EDEM1: variants seen among roughly 807,000 people sequenced by gnomAD.
EDEM1 encodes ER degradation-enhancing alpha-mannosidase-like protein 1.
In EDEM1, 67 loss-of-function variants were observed where a neutral mutation model predicts 74.4. The ratio of observed to expected loss-of-function variants is 0.90; its 90% confidence interval spans 0.74 to 1.10. EDEM1 has a LOEUF of 1.10. Ranked by LOEUF, EDEM1 falls within the 50% of genes least tolerant of loss-of-function variation. EDEM1 has a pLI of 0.00. For missense variants in EDEM1, 926 were observed against 851.6 expected, an observed-to-expected ratio of 1.09 and a Z score of -1.09; for synonymous variants, 382 against 335.9, an observed-to-expected ratio of 1.14 and a Z score of -1.50.
In EDEM1 at chr3:5,188,118, G is replaced by A. The variant is rs1483227434; in HGVS notation, c.313G>A (p.Gly105Ser). The change falls in exon 1 of 12, where the codon GGC (glycine) becomes AGC (serine). Residue 105 changes from glycine to serine, a missense_variant. By Grantham distance (56) the Gly-to-Ser change is moderately conservative. Transcript: ENST00000256497. ...CCCAGCCAACTGGGGCTACGTGCTG[G>A]GCGGCCGGGGCCGCGGCCCGGACGA... ...CGPANWGYVL[G>S]GRGRGPDEYE... 30 of 1,522,768 alleles carry A rather than the reference G, an allele frequency of 2.0e-5. No individual in the cohort carries two copies. The highest frequency in any genetic ancestry group is 2.6e-5 in the Non-Finnish European group (30 of 1,134,864). 94.3% of individuals were successfully genotyped at this position (1,522,768 alleles called of 1,614,324 possible).
intron 6 of EDEM1, among the ~76,000 whole-genome samples, chr3:5,206,210 CT>C (rs762318338): frequency 2.3e-3 from 316 of 139,924 alleles, no homozygotes; most frequent in Non-Finnish European, 2.1e-3. Flanking sequence ...CCAGATCTTT[CT>C]TTTTTTTTTT....
In EDEM1 at chr3:5,205,256, C is replaced by T. The variant is rs780073780; in HGVS notation, c.1217+15C>T. ...TTAAGAAGAGGGTATGTCTCCCTAACATCTCCTCTGTTGCCTTGTAAAGCA... is the reference window on the plus strand; with the variant it reads ...TTAAGAAGAGGGTATGTCTCCCTAATATCTCCTCTGTTGCCTTGTAAAGCA... On this transcript the variant is annotated intron_variant, in intron 6 of 11. Coordinates refer to ENST00000256497, the MANE Select transcript of EDEM1 (RefSeq NM_014674.3). The T allele has an allele frequency of 7.5e-6, 12 of 1,606,916 alleles. No homozygotes were observed. Among genetic ancestry groups the T allele is most frequent in the African/African-American group, 1.3e-5 (1 of 74,610 alleles).
intron 8 of EDEM1, among the ~76,000 whole-genome samples, chr3:5,209,508 T>C (rs765448564): frequency 5.3e-5 from 8 of 152,222 alleles, no homozygotes; most frequent in Non-Finnish European, 7.3e-5. Context: ...ACTTTTAATC[T>C]GGAGACTGCT....
chr3:5,192,633 A>G (rs550830162), intron 1 of EDEM1, among the ~76,000 whole-genome samples: 1 of 152,338 alleles, frequency 6.6e-6, no homozygotes, highest in Non-Finnish European at 1.5e-5. Context: ...GGAGATTGAC[A>G]AGAATATCTA....
In EDEM1 at chr3:5,205,071, TGTC is replaced by T; in HGVS notation, c.1050_1052del (p.Val351del). On this transcript the variant is annotated inframe_deletion, in exon 6 of 12. Transcript: ENST00000256497. ...GTGCCTTGTTTATTTTTGCAGGCAATGTCGTGAACATTCAGACGGGCCACTGGG... is the reference window on the plus strand; with the variant it reads ...GTGCCTTGTTTATTTTTGCAGGCAATGTGAACATTCAGACGGGCCACTGGG... The T allele has an allele frequency of 6.2e-7, 1 of 1,613,582 alleles. No individual in the cohort carries two copies. The highest frequency in any genetic ancestry group is 8.5e-7 in the Non-Finnish European group (1 of 1,179,778).
chr3:5,217,958 T>G lies in EDEM1; in HGVS notation c.*2040T>G, dbSNP rs770532448. On this transcript the variant is annotated 3_prime_UTR_variant, in exon 12 of 12. Transcript: ENST00000256497. ...TCTTGGCGCTCCCCTCCTCTCCCGCTCTGGCTTCTGTGGCGGCAGTGGTGG... is the reference window on the plus strand; with the variant it reads ...TCTTGGCGCTCCCCTCCTCTCCCGCGCTGGCTTCTGTGGCGGCAGTGGTGG... 5.3e-5 allele frequency: 8 copies of G among 152,238 alleles called. No homozygotes were observed. Among genetic ancestry groups the G allele is most frequent in the Non-Finnish European group, 8.8e-5 (6 of 68,056 alleles). The allele number at this position is 152,238 out of a possible 1,614,324, so 9.4% of individuals were successfully genotyped here. A position where few individuals can be genotyped will look rare whatever the true frequency, so the allele number is the denominator to read the frequency against.
rs550270881 is a variant in EDEM1, at chr3:5,198,425, TTGTC to T, written c.583-1164_583-1161del. 1.4e-3 allele frequency among the ~76,000 whole-genome samples: 208 copies of T among 152,274 alleles called. 1 individual carries two copies. The highest frequency in any genetic ancestry group is 4.9e-3 in the African/African-American group (203 of 41,558). ...GGTAGAGGAATAGTCACTTATGCCTTTGTCTGGCTTAGTGAATCTGCAGTTTTAC... is the reference window on the plus strand; with the variant it reads ...GGTAGAGGAATAGTCACTTATGCCTTTGGCTTAGTGAATCTGCAGTTTTAC... On this transcript the variant is annotated intron_variant, in intron 2 of 11. Coordinates refer to ENST00000256497, the MANE Select transcript of EDEM1 (RefSeq NM_014674.3).
Position 5,215,973 on chromosome 3 carries a change from C to G in EDEM1, c.*55C>G. On this transcript the variant is annotated 3_prime_UTR_variant, in exon 12 of 12. Transcript: ENST00000256497. The stretch of plus-strand genomic sequence containing the variant: ...CAGACCTTAACGACCAAACCCAGAC[C>G]ATGCCAAAGTCCAGTCTGAAATGAA... 1 of 1,459,248 alleles carries G rather than the reference C, an allele frequency of 6.9e-7. No homozygotes were observed. The highest frequency in any genetic ancestry group is 1.2e-5 in the South Asian group (1 of 83,792). The allele number at this position is 1,459,248 out of a possible 1,614,324, so 90.4% of individuals were successfully genotyped here. A position where few individuals can be genotyped will look rare whatever the true frequency, so the allele number is the denominator to read the frequency against.
chr3:5,190,141 T>C (rs343420), intron 1 of EDEM1, among the ~76,000 whole-genome samples: 111,313 of 152,104 alleles, frequency 0.73, 44,159 homozygotes, highest in Middle Eastern at 0.87. Context: ...TTAAATTTAT[T>C]TTTGCCACTA....
intron 10 of EDEM1, 49 bp downstream of exon 10, chr3:5,211,265 C>A: frequency 1.9e-6 from 3 of 1,538,572 alleles, no homozygotes; most frequent in Non-Finnish European, 2.7e-6. Context: ...TTGCTTAGAG[C>A]AAGCATTCGC....
rs148735003 is a variant in EDEM1 at position 5,188,804 on chromosome 3, T to C, written c.509+490T>C. 1.8e-3 allele frequency among the ~76,000 whole-genome samples: 278 copies of C among 152,314 alleles called. 4 individuals carry two copies. Among genetic ancestry groups the C allele is most frequent in the Middle Eastern group, 3.4e-3 (1 of 294 alleles). On this transcript the variant is annotated intron_variant, in intron 1 of 11. Transcript: ENST00000256497. ...TCTTTTCTATGTAAAAAGCCTATAG[T>C]TGACTTCTCCAAAGCCGTCCATTGA...
rs575748254 is a variant in EDEM1, at chr3:5,192,301, C to G, written c.510-2908C>G. Among the ~76,000 whole-genome samples the G allele has an allele frequency of 2.6e-5, 4 of 152,310 alleles. No individual in the cohort carries two copies. In the East Asian group the frequency reaches 7.7e-4, roughly 29 times the overall value. On this transcript the variant is annotated intron_variant, in intron 1 of 11. Transcript: ENST00000256497. The stretch of plus-strand genomic sequence containing the variant: ...AATCCCTTGAACGCAGGGACTGTTT[C>G]TTATGTTATCTCTGTGCCTACACCA...
chr3:5,213,628 T>C lies in EDEM1; in HGVS notation c.1884+106T>C, dbSNP rs371741397. The C allele has an allele frequency of 7.3e-5, 83 of 1,133,294 alleles. 1 individual carries two copies. The highest frequency in any genetic ancestry group is 5.2e-4 in the African/African-American group (33 of 64,056). 70.2% of individuals were successfully genotyped at this position (1,133,294 alleles called of 1,614,324 possible). ...ACAGAAAATTGATGGTGTATGCAGA[T>C]TGGGAGATTTGAAAACACCTCCTAA... On this transcript the variant is annotated intron_variant, in intron 11 of 11. Transcript: ENST00000256497.
At position 5,218,741 on chromosome 3, in the gene EDEM1, G is replaced by C. The variant is rs896354340; in HGVS notation, c.*2823G>C. ...CTTAGCTACTTTAGTTGATGTGACC[G>C]AGGAATCCCTTCTAGAATCATAGGT... On this transcript the variant is annotated 3_prime_UTR_variant, in exon 12 of 12. Coordinates refer to ENST00000256497, the MANE Select transcript of EDEM1 (RefSeq NM_014674.3). 2.0e-5 allele frequency: 3 copies of C among 152,162 alleles called. No individual in the cohort carries two copies. Among genetic ancestry groups the C allele is most frequent in the African/African-American group, 7.2e-5 (3 of 41,428 alleles). 9.4% of individuals were successfully genotyped at this position (152,162 alleles called of 1,614,324 possible).
intron 2 of EDEM1, among the ~76,000 whole-genome samples, chr3:5,196,376 G>A (rs2054967207): frequency 6.6e-6 from 1 of 152,118 alleles, no homozygotes; most frequent in African/African-American, 2.4e-5. Context: ...AGAAATGCTT[G>A]AACCCAGGAG....
intron 11 of EDEM1, 41 bp downstream of exon 11, chr3:5,213,563 G>A (rs761508068): frequency 7.8e-6 from 12 of 1,545,102 alleles, no homozygotes; most frequent in East Asian, 2.3e-5. Context: ...TATAGAGGAA[G>A]AGAAGATACT....
At chr3:5,193,157 TCTC>T (rs1387692149) in intron 1 of EDEM1, among the ~76,000 whole-genome samples, 1 of 152,124 alleles carries the variant, frequency 6.6e-6, no homozygotes, top group Non-Finnish European at 1.5e-5. Context: ...TACATGTGGT[TCTC>T]CTGATTACCA....
At chr3:5,203,963 C>T (rs920215622) in intron 5 of EDEM1, among the ~76,000 whole-genome samples, 7 of 152,224 alleles carry the variant, frequency 4.6e-5, no homozygotes, top group East Asian at 1.9e-4. Context: ...AACTCCTGAG[C>T]GCAAGCAATT....
In EDEM1 at chr3:5,203,025, C is replaced by T. The variant is rs148788181; in HGVS notation, c.918C>T (p.Ala306=). The change falls in exon 5 of 12, where the codon GCC becomes GCT. Residue 306 remains alanine (A), a synonymous_variant. Transcript: ENST00000256497. ...ATAATGAGACATGCACAGCGGGAGC[C>T]GGTTCCCTCCTGGTGGAATTTGGGA... ...DTNNETCTAG[A]GSLLVEFGIL... The T allele has an allele frequency of 4.3e-5, 69 of 1,613,750 alleles. No homozygotes were observed. The highest frequency in any genetic ancestry group is 1.6e-4 in the Middle Eastern group (1 of 6,084).
Sources: allele counts gnomAD v4.1 joint callset (sites outside exome capture counted in the v4.1 genomes callset), GRCh38; gene constraint gnomAD v4.1.1; transcripts MANE v1.5; gene names NCBI Gene and HGNC (gene_info 2026-07-23, HGNC 2026-07-21).